The following CDH13 variants were observed in gnomAD, a reference collection of about 807,000 sequenced individuals.
CDH13 encodes the protein cadherin-13.
CDH13 carries 24 observed loss-of-function variants against 63.8 expected under a neutral mutation model. The ratio of observed to expected loss-of-function variants is 0.38; its 90% CI spans 0.27 to 0.53. The LOEUF (loss-of-function observed/expected upper bound fraction) is 0.53. Ranked by LOEUF, CDH13 falls within the 20% of genes least tolerant of loss-of-function variation. The pLI, the probability that CDH13 is intolerant of heterozygous loss-of-function variation, is 0.85. For synonymous variants in CDH13, 503 were observed against 355.3 expected (o/e 1.42, Z -4.67); for missense variants, 1,049 against 903.1 (o/e 1.16, Z -2.07).
In CDH13 at chr16:82,761,103, A is replaced by G. The variant is rs535126067; in HGVS notation, c.46-97259A>G. Among the ~76,000 whole-genome samples, 7 of 132,654 alleles carry G rather than the reference A, an allele frequency of 5.3e-5. No individual in the cohort carries two copies. The South Asian group carries it at 1.5e-3, about 28-fold the overall frequency. The allele number at this position is 132,654 out of a possible 152,430, so 87.0% of individuals were successfully genotyped here. On this transcript the variant is annotated intron_variant, in intron 1 of 13. Transcript: ENST00000567109. ...CAGTGGCATGATCTTAGCTCACTGC[A>G]ACCTCTGCCTTCCAGGTTCAAGTGA...
intron 1 of CDH13, among the ~76,000 whole-genome samples, chr16:82,849,595 T>G (rs2039397932): frequency 6.6e-6 from 1 of 152,250 alleles, no homozygotes; most frequent in Non-Finnish European, 1.5e-5. Context: ...GCTAAGATCA[T>G]TGATGAAGGC....
At chr16:83,744,012 C>G (rs1015702426) in intron 10 of CDH13, among the ~76,000 whole-genome samples, 1 of 152,046 alleles carries the variant, frequency 6.6e-6, no homozygotes, top group African/African-American at 2.4e-5. Flanking sequence ...TGCTAAGCCT[C>G]TCTGATTCTT....
rs77061086 is a variant in CDH13 at position 83,026,318 on chromosome 16, C to G, written c.158-5692C>G. On this transcript the variant is annotated intron_variant, in intron 2 of 13. Coordinates refer to ENST00000567109, the MANE Select transcript of CDH13 (RefSeq NM_001257.5). ...GGCTGTAGAGGCAGAATGAACAGAT[C>G]AGAGAAGGTTCTCGCTCTAGGCCTT... Among the ~76,000 whole-genome samples the G allele has an allele frequency of 1.6e-3, 238 of 152,322 alleles. 2 individuals are homozygous for G. Among genetic ancestry groups the G allele is most frequent in the African/African-American group, 5.6e-3 (232 of 41,576 alleles).
Position 82,644,053 on chromosome 16 carries a change from T to G in CDH13, c.45+16916T>G, listed in dbSNP as rs1909763503. 6.6e-6 allele frequency among the ~76,000 whole-genome samples: 1 copy of G among 152,072 alleles called. No homozygotes were observed. The highest frequency in any genetic ancestry group is 6.5e-5 in the Admixed American group (1 of 15,270). On this transcript the variant is annotated intron_variant, in intron 1 of 13. Coordinates refer to ENST00000567109, the MANE Select transcript of CDH13 (RefSeq NM_001257.5). The surrounding 1 kb of genome is among the most constrained non-coding windows in gnomAD (Gnocchi z 5.7). ...TTTAAAAGTAGTAAGTGGTTTAGGATGGGGGGTGGTATGGAGGTCGGGTGG... is the reference window on the plus strand; with the variant it reads ...TTTAAAAGTAGTAAGTGGTTTAGGAGGGGGGGTGGTATGGAGGTCGGGTGG...
At chr16:83,215,823 T>C (rs2039485439) in intron 4 of CDH13, among the ~76,000 whole-genome samples, 1 of 150,756 alleles carries the variant, frequency 6.6e-6, no homozygotes. Flanking sequence ...TCCTGAATGA[T>C]TATTGTGTTC....
chr16:82,956,006 C>A lies in CDH13; in HGVS notation c.158-76004C>A, dbSNP rs572483630. The stretch of plus-strand genomic sequence containing the variant: ...TTTTAACTCTGTGTACTAGACACTG[C>A]CTCTTGGATGTCCCATAGTTCATTG... On this transcript the variant is annotated intron_variant, in intron 2 of 13. Transcript: ENST00000567109. Among the ~76,000 whole-genome samples the A allele has an allele frequency of 2.0e-5, 3 of 152,284 alleles. No homozygotes were observed. In the South Asian group the frequency reaches 6.2e-4, roughly 32 times the overall value.
chr16:83,237,547 T>A (rs1413904478), intron 5 of CDH13, among the ~76,000 whole-genome samples: 1 of 152,266 alleles, frequency 6.6e-6, no homozygotes, highest in Non-Finnish European at 1.5e-5. Context: ...GCTGTAGAAC[T>A]GAGTTCTTAA....
At chr16:82,843,872 G>A (rs1255657901) in intron 1 of CDH13, among the ~76,000 whole-genome samples, 8 of 152,220 alleles carry the variant, frequency 5.3e-5, no homozygotes, top group Non-Finnish European at 5.9e-5. Context: ...CTGGCTCTGT[G>A]ACTATGCACC....
intron 1 of CDH13, among the ~76,000 whole-genome samples, chr16:82,742,368 G>C (rs1157366602): frequency 1.3e-5 from 2 of 151,926 alleles, no homozygotes; most frequent in Non-Finnish European, 2.9e-5. Flanking sequence ...AACATACATA[G>C]CATTTATAGT....
chr16:82,805,405 A>G lies in CDH13; in HGVS notation c.46-52957A>G, dbSNP rs760876805. Among the ~76,000 whole-genome samples the G allele has an allele frequency of 2.6e-5, 4 of 152,210 alleles. No individual in the cohort carries two copies. In the East Asian group the frequency reaches 5.8e-4, roughly 22 times the overall value. On this transcript the variant is annotated intron_variant, in intron 1 of 13. Transcript: ENST00000567109. Reference sequence around the variant, plus strand: ...ATCCAGTCCTTGTCTTATCTCAGCTATGCAGAGTGGCATGGCTGGTTCAAG... The same window carrying G: ...ATCCAGTCCTTGTCTTATCTCAGCTGTGCAGAGTGGCATGGCTGGTTCAAG...
chr16:83,416,870 C>T (rs2071564679), intron 6 of CDH13, among the ~76,000 whole-genome samples: 1 of 152,148 alleles, frequency 6.6e-6, no homozygotes, highest in Non-Finnish European at 1.5e-5. Context: ...GATAAAAATA[C>T]TTGCCTTATA....
chr16:83,264,271 A>G (rs1178786407), intron 5 of CDH13, among the ~76,000 whole-genome samples: 5 of 152,164 alleles, frequency 3.3e-5, no homozygotes, highest in East Asian at 3.9e-4. Flanking sequence ...TTAGCAGTCA[A>G]ACTTTCTGTT....
At chr16:83,030,370 C>G (rs754192527) in intron 2 of CDH13, among the ~76,000 whole-genome samples, 1 of 152,056 alleles carries the variant, frequency 6.6e-6, no homozygotes, top group South Asian at 2.1e-4. Flanking sequence ...TTAAAAAGTA[C>G]CCTGTGGGCC....
At chr16:82,764,886 C>A (rs536520132) in intron 1 of CDH13, among the ~76,000 whole-genome samples, 1 of 150,084 alleles carries the variant, frequency 6.7e-6, no homozygotes, top group African/African-American at 2.5e-5. Flanking sequence ...GTAATCTTGG[C>A]TCACTGAAAC....
chr16:83,438,277 T>G (rs1261332958), intron 6 of CDH13, among the ~76,000 whole-genome samples: 1 of 152,224 alleles, frequency 6.6e-6, no homozygotes, highest in East Asian at 1.9e-4. Context: ...ACTGCAGGAA[T>G]CATTTGCAGC....
chr16:82,711,143 T>C (rs2031910253), intron 1 of CDH13, among the ~76,000 whole-genome samples: 1 of 152,008 alleles, frequency 6.6e-6, no homozygotes, highest in Non-Finnish European at 1.5e-5. Context: ...GGAATGAACA[T>C]GAAAGGGCCG....
At chr16:83,332,780 G>A (rs1027229523) in intron 5 of CDH13, among the ~76,000 whole-genome samples, 7 of 152,088 alleles carry the variant, frequency 4.6e-5, no homozygotes, top group South Asian at 2.1e-4. Flanking sequence ...AAATTATTTT[G>A]AATATCTGCA....
intron 1 of CDH13, among the ~76,000 whole-genome samples, chr16:82,642,654 T>G (rs752538237): frequency 7.9e-5 from 12 of 152,194 alleles, no homozygotes; most frequent in Admixed American, 2.0e-4. Flanking sequence ...TGTTTATCTT[T>G]GGATTCCCAC....
chr16:82,900,883 G>T (rs1222162326), intron 2 of CDH13, among the ~76,000 whole-genome samples: 1 of 152,166 alleles, frequency 6.6e-6, no homozygotes, highest in Non-Finnish European at 1.5e-5. Context: ...TAATTGTTAG[G>T]ATTAAGCATA....
Sources: gnomAD v4.1 joint callset for allele counts (sites outside exome capture counted in the v4.1 genomes callset) on GRCh38, gnomAD v4.1.1 for gene constraint, Gnocchi (gnomAD v3.1) non-coding constraint, MANE v1.5 for transcripts, NCBI Gene and HGNC (gene_info 2026-07-23, HGNC 2026-07-21) for gene names.